Variants in CDK17 observed in about 807,000 individuals in gnomAD.
CDK17 encodes the protein cyclin dependent kinase 17, also known as cyclin-dependent kinase 17.
Under a neutral mutation model 77.6 loss-of-function variants are expected in CDK17, and 24 were observed. The observed-to-expected ratio is 0.31, with a 90% confidence interval of 0.22 to 0.44. CDK17 has a LOEUF of 0.44. Ranked by LOEUF, CDK17 falls within the 20% of genes least tolerant of loss-of-function variation. The probability of loss-of-function intolerance (pLI) is 1.00; values close to 1 mark genes in which losing one functional copy is unlikely to be tolerated. For synonymous variants in CDK17, 203 were observed against 210.4 expected (o/e 0.96, Z 0.30); for missense variants, 429 against 622.5 (o/e 0.69, Z 3.31).
At chr12:96,380,062 T>C (rs528607977) in intron 1 of CDK17, among the ~76,000 whole-genome samples, 1 of 151,256 alleles carries the variant, frequency 6.6e-6, no homozygotes, top group South Asian at 2.1e-4. Flanking sequence ...CCAGCTACTA[T>C]GGAGGCTGAG....
intron 1 of CDK17, among the ~76,000 whole-genome samples, chr12:96,386,182 G>A (rs1276789403): frequency 6.6e-6 from 1 of 152,198 alleles, no homozygotes; most frequent in African/African-American, 2.4e-5. Context: ...TTTTTAAAGA[G>A]ATGGCATTTT....
At chr12:96,308,315 A>G (rs1952602816) in intron 5 of CDK17, among the ~76,000 whole-genome samples, 1 of 151,526 alleles carries the variant, frequency 6.6e-6, no homozygotes, top group Non-Finnish European at 1.5e-5. Flanking sequence ...GGAGCCTGAC[A>G]TGTGAGGATT....
chr12:96,318,386 T>G (rs1952763271), intron 3 of CDK17, among the ~76,000 whole-genome samples: 1 of 131,830 alleles, frequency 7.6e-6, no homozygotes, highest in Non-Finnish European at 1.6e-5. Flanking sequence ...ATTAGACAGA[T>G]CAACGAGACA....
chr12:96,322,738 G>T lies in CDK17; in HGVS notation c.283+1210C>A, dbSNP rs573337165. On this transcript the variant is annotated intron_variant, in intron 3 of 16. Coordinates refer to ENST00000261211, the MANE Select transcript of CDK17 (RefSeq NM_002595.5). ...ATAGTTAAAAGTGGTAAAAAATTAGGAAGCAATGACTTTTGCATATTCATT... is the reference window on the plus strand; with the variant it reads ...ATAGTTAAAAGTGGTAAAAAATTAGTAAGCAATGACTTTTGCATATTCATT... Among the ~76,000 whole-genome samples the T allele has an allele frequency of 3.3e-5, 5 of 152,276 alleles. No homozygotes were observed. In the South Asian group the frequency reaches 6.2e-4, roughly 19 times the overall value.
At chr12:96,337,561 C>G (rs1276208378) in intron 1 of CDK17, among the ~76,000 whole-genome samples, 1 of 152,046 alleles carries the variant, frequency 6.6e-6, no homozygotes, top group Non-Finnish European at 1.5e-5. Context: ...TATGCACTTC[C>G]CAAGCAAAGG....
At chr12:96,283,734 G>A (rs994834575) in intron 13 of CDK17, 89 bp from the exon 14 acceptor site, 19 of 843,172 alleles carry the variant, frequency 2.3e-5, no homozygotes, top group Non-Finnish European at 3.5e-5. Flanking sequence ...GTTTTAATCT[G>A]CTAAATTTAA....
At chr12:96,384,572 A>G (rs1565846063) in intron 1 of CDK17, among the ~76,000 whole-genome samples, 1 of 152,246 alleles carries the variant, frequency 6.6e-6, no homozygotes, top group African/African-American at 2.4e-5. Flanking sequence ...AGTACTGTAT[A>G]GCCATAAAAA....
chr12:96,381,137 A>C (rs750667105), intron 1 of CDK17, among the ~76,000 whole-genome samples: 9 of 152,108 alleles, frequency 5.9e-5, no homozygotes, highest in Non-Finnish European at 1.0e-4. Flanking sequence ...AAACCACATA[A>C]CCTTTTATCA....
Position 96,340,770 on chromosome 12 carries a change from CAA to C in CDK17, c.-29-5907_-29-5906del, listed in dbSNP as rs1488689325. ...ACTGATTATCTAAAATTGGAACACT[CAA>C]GAGTTTGGTTAAAATATTTTATCAG... is the stretch of plus-strand genomic sequence containing the variant. On this transcript the variant is annotated intron_variant, in intron 1 of 16. Transcript: ENST00000261211. Among the ~76,000 whole-genome samples the C allele has an allele frequency of 5.3e-5, 8 of 152,198 alleles. No individual in the cohort carries two copies. The East Asian group carries it at 1.5e-3, about 29-fold the overall frequency.
intron 2 of CDK17, among the ~76,000 whole-genome samples, chr12:96,330,871 C>A (rs1202564549): frequency 6.6e-6 from 1 of 152,116 alleles, no homozygotes; most frequent in African/African-American, 2.4e-5. Flanking sequence ...TTCCTAGGAA[C>A]AGAATTGTTG....
intron 1 of CDK17, among the ~76,000 whole-genome samples, chr12:96,392,395 T>C (rs1258217492): frequency 1.3e-5 from 2 of 152,050 alleles, no homozygotes; most frequent in Non-Finnish European, 2.9e-5. Flanking sequence ...TAAAATAAGA[T>C]ACATATATAA....
In CDK17 at chr12:96,282,953, C is replaced by T. The variant is rs149476430; in HGVS notation, c.1366-354G>A. Among the ~76,000 whole-genome samples, 52 of 152,200 alleles carry T rather than the reference C, an allele frequency of 3.4e-4. No homozygotes were observed. The East Asian group carries it at 9.2e-3, about 27-fold the overall frequency. ...GGACATATACCCAGTATTTTTATGG[C>T]AGTCATTCTTAACGACCTATCCAAT... On this transcript the variant is annotated intron_variant, in intron 14 of 16. Coordinates refer to ENST00000261211, the MANE Select transcript of CDK17 (RefSeq NM_002595.5).
chr12:96,293,622 T>A (rs958376856), intron 10 of CDK17, among the ~76,000 whole-genome samples: 3 of 152,214 alleles, frequency 2.0e-5, no homozygotes, highest in Non-Finnish European at 4.4e-5. Context: ...ACAAAACCTA[T>A]AACGATGAAC....
intron 5 of CDK17, among the ~76,000 whole-genome samples, chr12:96,310,190 AAACAT>A (rs1449276465): frequency 6.6e-6 from 1 of 152,164 alleles, no homozygotes; most frequent in African/African-American, 2.4e-5. Flanking sequence ...TGAAACTCAC[AAACAT>A]AACACTGAAC....
chr12:96,284,705 C>T (rs1952225521), intron 13 of CDK17, among the ~76,000 whole-genome samples: 1 of 151,704 alleles, frequency 6.6e-6, no homozygotes, highest in East Asian at 2.0e-4. Context: ...GCTAGGATTA[C>T]AGGCATGCAC....
intron 2 of CDK17, among the ~76,000 whole-genome samples, chr12:96,325,893 A>C (rs1952886525): frequency 6.6e-6 from 1 of 152,186 alleles, no homozygotes; most frequent in African/African-American, 2.4e-5. Flanking sequence ...GCATGATGGC[A>C]TGCACCTGTA....
intron 6 of CDK17, 130 bp downstream of exon 6, chr12:96,300,174 A>G (rs1420073158): frequency 3.0e-6 from 2 of 658,922 alleles, no homozygotes; most frequent in East Asian, 5.7e-5. Context: ...TTACCTTTCC[A>G]GAACAAGTAT....
intron 1 of CDK17, among the ~76,000 whole-genome samples, chr12:96,394,929 G>A (rs1008406386): frequency 2.1e-5 from 3 of 146,112 alleles, no homozygotes; most frequent in African/African-American, 5.1e-5. Context: ...AGGCTAGAGT[G>A]CAATGGTGCG....
At chr12:96,389,141 T>G (rs1954023846) in intron 1 of CDK17, among the ~76,000 whole-genome samples, 1 of 151,848 alleles carries the variant, frequency 6.6e-6, no homozygotes, top group Admixed American at 6.6e-5. Context: ...ATTTTTTTTT[T>G]TTTTTAATTT....
Sources: gnomAD v4.1 joint callset for allele counts (sites outside exome capture counted in the v4.1 genomes callset) on GRCh38, gnomAD v4.1.1 for gene constraint, MANE v1.5 for transcripts, NCBI Gene and HGNC (gene_info 2026-07-23, HGNC 2026-07-21) for gene names.